The following CACNA2D3 variants were observed in gnomAD, a reference collection of about 807,000 sequenced individuals.
CACNA2D3 encodes the protein calcium voltage-gated channel auxiliary subunit alpha2delta 3.
CACNA2D3 carries 60 observed loss-of-function variants against 160.6 expected under a neutral mutation model. That is an observed-to-expected ratio of 0.37 (90% confidence interval 0.30 to 0.46). The LOEUF (loss-of-function observed/expected upper bound fraction) is 0.46, where lower values mean the gene tolerates loss of function less well. Among genes scored for constraint, CACNA2D3 ranks in the 20% least tolerant of loss-of-function variants. The probability of loss-of-function intolerance (pLI) is 1.00; values close to 1 mark genes in which losing one functional copy is unlikely to be tolerated. For synonymous variants in CACNA2D3, 558 were observed against 492.9 expected, an observed-to-expected ratio of 1.13 and a Z score of -1.75; for missense variants, 1,205 against 1,365.0, an observed-to-expected ratio of 0.88 and a Z score of 1.85.
chr3:54,161,449 A>G (rs1421402212), intron 2 of CACNA2D3, among the ~76,000 whole-genome samples: 2 of 152,264 alleles, frequency 1.3e-5, no homozygotes, highest in Non-Finnish European at 2.9e-5. Flanking sequence ...AGGGGCACCT[A>G]CCAGGGAGGA....
chr3:54,462,597 C>A lies in CACNA2D3; in HGVS notation c.382-40895C>A, dbSNP rs1392407709. On this transcript the variant is annotated intron_variant, in intron 4 of 37. Coordinates refer to ENST00000474759, the MANE Select transcript of CACNA2D3 (RefSeq NM_018398.3). ...GTTTTATCAGAGACTAGGATTGCAACCCCTGCCTTTTTTTGTTTTCCATTT... is the reference window on the plus strand; with the variant it reads ...GTTTTATCAGAGACTAGGATTGCAAACCCTGCCTTTTTTTGTTTTCCATTT... Among the ~76,000 whole-genome samples the A allele has an allele frequency of 2.0e-5, 3 of 152,038 alleles. No homozygotes were observed. In the East Asian group the frequency reaches 5.8e-4, roughly 29 times the overall value.
intron 3 of CACNA2D3, among the ~76,000 whole-genome samples, chr3:54,321,707 C>T (rs1317456675): frequency 6.6e-6 from 1 of 152,076 alleles, no homozygotes. Flanking sequence ...ATAATGACCC[C>T]AGAGTCCGCA....
intron 2 of CACNA2D3, among the ~76,000 whole-genome samples, chr3:54,263,915 G>T (rs1157139290): frequency 3.3e-5 from 5 of 151,886 alleles, no homozygotes; most frequent in Non-Finnish European, 7.4e-5. Flanking sequence ...TTTTTTTCTT[G>T]CACTTTAGAT....
chr3:54,405,156 T>C (rs183485431), intron 4 of CACNA2D3, among the ~76,000 whole-genome samples: 1 of 151,346 alleles, frequency 6.6e-6, no homozygotes, highest in East Asian at 1.9e-4. Flanking sequence ...GCAATATGTA[T>C]AGATCCAATG....
intron 27 of CACNA2D3, among the ~76,000 whole-genome samples, chr3:54,935,102 G>T (rs767440125): frequency 6.6e-6 from 1 of 152,186 alleles, no homozygotes; most frequent in Non-Finnish European, 1.5e-5. Context: ...AAGACTGCAC[G>T]TGATTTTGTT....
chr3:54,288,507 G>A (rs1208881193), intron 2 of CACNA2D3, among the ~76,000 whole-genome samples: 10 of 152,176 alleles, frequency 6.6e-5, no homozygotes, highest in South Asian at 2.1e-4. Flanking sequence ...AGAGGAGCTG[G>A]TACCATTCCT....
chr3:54,675,105 G>A (rs1700217095), intron 11 of CACNA2D3, among the ~76,000 whole-genome samples: 2 of 152,140 alleles, frequency 1.3e-5, no homozygotes, highest in Non-Finnish European at 2.9e-5. Context: ...TTTCAGAGGA[G>A]GAGGGGGACA....
chr3:54,767,152 G>A (rs1212226557), intron 13 of CACNA2D3, among the ~76,000 whole-genome samples: 1 of 151,778 alleles, frequency 6.6e-6, no homozygotes, highest in Non-Finnish European at 1.5e-5. Flanking sequence ...GCATATGAAT[G>A]TTCTGTGTAT....
At chr3:54,871,252 C>A (rs1258019571) in intron 17 of CACNA2D3, among the ~76,000 whole-genome samples, 1 of 151,396 alleles carries the variant, frequency 6.6e-6, no homozygotes, top group African/African-American at 2.4e-5. Flanking sequence ...GACAGATTTT[C>A]CTTTGCATCT....
In CACNA2D3 at chr3:54,651,720, A is replaced by C. The variant is rs1699768301; in HGVS notation, c.1167+9479A>C. On this transcript the variant is annotated intron_variant, in intron 11 of 37. Coordinates refer to ENST00000474759, the MANE Select transcript of CACNA2D3 (RefSeq NM_018398.3). ...CCCCCGTGCTATAACTTGGAGGATA[A>C]AGCCTCAAGCCAGCCTTGCCCCAGT... is the stretch of plus-strand genomic sequence containing the variant. 1.3e-5 allele frequency among the ~76,000 whole-genome samples: 2 copies of C among 152,028 alleles called. 1 individual carries two copies. The highest frequency in any genetic ancestry group is 4.1e-4 in the South Asian group (2 of 4,820).
At chr3:55,066,507 G>A (rs1241283749) in intron 35 of CACNA2D3, among the ~76,000 whole-genome samples, 1 of 152,120 alleles carries the variant, frequency 6.6e-6, no homozygotes, top group African/African-American at 2.4e-5. Flanking sequence ...TCCCCATCCC[G>A]CGTGCTTGTT....
intron 3 of CACNA2D3, among the ~76,000 whole-genome samples, chr3:54,350,991 T>TTG (rs1698551319): frequency 7.0e-5 from 7 of 100,104 alleles, no homozygotes; most frequent in Admixed American, 4.0e-4. Flanking sequence ...TGTTTGTTTT[T>TTG]TTTTTTTTTT....
At chr3:54,297,177 C>T (rs551117459) in intron 2 of CACNA2D3, among the ~76,000 whole-genome samples, 1 of 152,318 alleles carries the variant, frequency 6.6e-6, no homozygotes, top group African/African-American at 2.4e-5. Context: ...GCCTGCCATT[C>T]CCTGTAGCCC....
intron 13 of CACNA2D3, among the ~76,000 whole-genome samples, chr3:54,797,962 C>G (rs1056871083): frequency 6.6e-6 from 1 of 152,170 alleles, no homozygotes; most frequent in Non-Finnish European, 1.5e-5. Flanking sequence ...TCTGGAAGAT[C>G]TGCTTTGTAA....
intron 30 of CACNA2D3, 118 bp from the exon 31 acceptor site, chr3:54,987,564 GA>G (rs1702642799): frequency 1.7e-6 from 1 of 601,518 alleles, no homozygotes; most frequent in South Asian, 2.6e-5. Flanking sequence ...CCACTTTCCT[GA>G]AAACCTGCCT....
chr3:54,202,879 A>G (rs1701203618), intron 2 of CACNA2D3, among the ~76,000 whole-genome samples: 1 of 152,128 alleles, frequency 6.6e-6, no homozygotes, highest in Non-Finnish European at 1.5e-5. Flanking sequence ...CCATGTTTGG[A>G]GAGGAAATTC....
intron 2 of CACNA2D3, among the ~76,000 whole-genome samples, chr3:54,265,656 A>ATATAGT (rs754570110): frequency 1.9e-5 from 1 of 52,970 alleles, no homozygotes; most frequent in African/African-American, 5.0e-5. Flanking sequence ...GTATATATAT[A>ATATAGT]GTGTATATAT....
At chr3:54,563,443 C>A (rs1338091534) in intron 6 of CACNA2D3, among the ~76,000 whole-genome samples, 1 of 152,152 alleles carries the variant, frequency 6.6e-6, no homozygotes, top group African/African-American at 2.4e-5. Context: ...AAGAACCCCT[C>A]CACAGAGGGT....
intron 2 of CACNA2D3, among the ~76,000 whole-genome samples, chr3:54,245,453 C>T (rs1244093544): frequency 6.6e-6 from 1 of 152,042 alleles, no homozygotes. Context: ...CTCATGGTGG[C>T]TCATGTTCAA....
Sources: gnomAD v4.1 joint callset for allele counts (sites outside exome capture counted in the v4.1 genomes callset) on GRCh38, gnomAD v4.1.1 for gene constraint, MANE v1.5 for transcripts, NCBI Gene and HGNC (gene_info 2026-07-23, HGNC 2026-07-21) for gene names.